Variants in KDM5A observed in about 807,000 individuals in gnomAD.
The protein encoded by KDM5A is lysine demethylase 5A.
A neutral mutation model predicts 193.5 loss-of-function variants in KDM5A; 42 were observed. That is an observed-to-expected ratio of 0.22 (90% CI 0.17 to 0.28). The LOEUF is 0.28. Ranked by LOEUF, KDM5A falls within the 10% of genes least tolerant of loss-of-function variation. The pLI, the probability that KDM5A is intolerant of heterozygous loss-of-function variation, is 1.00. For synonymous variants in KDM5A, 796 were observed against 718.1 expected (o/e 1.11, Z -1.73); for missense variants, 1,692 against 2,055.1 (o/e 0.82, Z 3.42).
At chr12:329,487 GA>G (rs138880121) in intron 13 of KDM5A, among the ~76,000 whole-genome samples, 13 of 136,914 alleles carry the variant, frequency 9.5e-5, no homozygotes, top group East Asian at 2.1e-4. Context: ...GTTATTAGAA[GA>G]AAAAAAAAAG....
intron 24 of KDM5A, among the ~76,000 whole-genome samples, chr12:303,655 CA>C (rs1293001426): frequency 1.3e-4 from 19 of 149,404 alleles, no homozygotes; most frequent in Admixed American, 1.1e-3. Context: ...AAGTATAATA[CA>C]AAAAAAATTA....
chr12:288,487 T>C (rs1296286135), intron 27 of KDM5A, among the ~76,000 whole-genome samples: 3 of 152,222 alleles, frequency 2.0e-5, no homozygotes, highest in Non-Finnish European at 2.9e-5. Context: ...GAGGAAATAT[T>C]AGTTTAATAT....
At chr12:346,145 A>G (rs1015445560) in intron 10 of KDM5A, among the ~76,000 whole-genome samples, 2 of 152,168 alleles carry the variant, frequency 1.3e-5, no homozygotes, top group East Asian at 1.9e-4. Context: ...ACACCTCTAC[A>G]CAAATAAACT....
chr12:376,550 T>C (rs1216251551), intron 3 of KDM5A, among the ~76,000 whole-genome samples: 1 of 152,228 alleles, frequency 6.6e-6, no homozygotes, highest in Non-Finnish European at 1.5e-5. Context: ...TGCCTCGCCC[T>C]GCTTTGGCAC....
At chr12:371,838 A>T (rs917491135) in intron 3 of KDM5A, among the ~76,000 whole-genome samples, 1 of 152,124 alleles carries the variant, frequency 6.6e-6, no homozygotes, top group Non-Finnish European at 1.5e-5. Flanking sequence ...CAGTTTTCCC[A>T]GCACCATTAA....
rs779829952 is a variant in KDM5A at position 318,116 on chromosome 12, G to A, written c.2887C>T (p.Leu963=). The change falls in exon 19 of 28, where the codon CTA becomes TTA. Residue 963 remains leucine (L), a synonymous_variant. Transcript: ENST00000399788. ...CCAAAATGTGTTCACCTTGCCTGTA[G>A]GCAGACCTTAGCCTTTTCTTCCCAT... ...ERWEEKAKVC[L]QARPRHSVAS... is the part of the protein sequence containing the mutation. The A allele has an allele frequency of 4.3e-6, 7 of 1,613,832 alleles. No homozygotes were observed. In the African/African-American group the frequency reaches 8.0e-5, roughly 18 times the overall value.
chr12:379,884 G>A (rs1393848012), intron 3 of KDM5A, among the ~76,000 whole-genome samples: 5 of 152,188 alleles, frequency 3.3e-5, no homozygotes, highest in East Asian at 1.9e-4. Flanking sequence ...CTGGATGACC[G>A]TTATAAGGAG....
At chr12:324,849 G>A (rs1269625908) in intron 14 of KDM5A, among the ~76,000 whole-genome samples, 1 of 151,758 alleles carries the variant, frequency 6.6e-6, no homozygotes, top group Non-Finnish European at 1.5e-5. Context: ...CTCCAGCCTG[G>A]GTGACAGAGC....
intron 5 of KDM5A, among the ~76,000 whole-genome samples, chr12:357,827 C>CAAAAAAAAA (rs61577928): frequency 0.06 from 1,777 of 29,848 alleles, 543 homozygotes; most frequent in Middle Eastern, 0.077. Flanking sequence ...GACTCAGTCT[C>CAAAAAAAAA]AAAAAAAAAA....
Position 360,269 on chromosome 12 carries a change from G to C in KDM5A, c.672+2694C>G, listed in dbSNP as rs143325544. Among the ~76,000 whole-genome samples, 739 of 151,790 alleles carry C rather than the reference G, an allele frequency of 4.9e-3. 10 individuals are homozygous for C. The highest frequency in any genetic ancestry group is 0.016 in the African/African-American group (671 of 41,420). ...AGCCTGGGAGTTACAGCAAGACTCT[G>C]TCTTAAAAAAAAAAGACAAGATTTG... On this transcript the variant is annotated intron_variant, in intron 5 of 27. Coordinates refer to ENST00000399788, the MANE Select transcript of KDM5A (RefSeq NM_001042603.3).
rs1565521854 is a variant in KDM5A, at chr12:288,261, A to G, written c.4867-2599T>C. Reference sequence around the variant, plus strand: ...GACTATGTAGTATCCTGAAAACTCAAGAACACAGAATTTGGATAACTGTAT... The same window carrying G: ...GACTATGTAGTATCCTGAAAACTCAGGAACACAGAATTTGGATAACTGTAT... On this transcript the variant is annotated intron_variant, in intron 27 of 27. Coordinates refer to ENST00000399788, the MANE Select transcript of KDM5A (RefSeq NM_001042603.3). 5.3e-5 allele frequency among the ~76,000 whole-genome samples: 8 copies of G among 152,348 alleles called. No homozygotes were observed. In the South Asian group the frequency reaches 1.2e-3, roughly 24 times the overall value.
rs752880045 is a variant in KDM5A, at chr12:285,540, C to A, written c.4989G>T (p.Gly1663=). ...GTGGTGCTGGACCTGGGCTAACTGG[C>A]CCCTGCTTCTTTGCACAGTTTATAC... ...YICINCAKKQ[G]PVSPGPAPPP... The change falls in exon 28 of 28, where the codon GGG becomes GGT. Residue 1663 remains glycine (G), a synonymous_variant. Coordinates refer to ENST00000399788, the MANE Select transcript of KDM5A (RefSeq NM_001042603.3). 2 of 1,614,016 alleles carry A rather than the reference C, an allele frequency of 1.2e-6. No individual in the cohort carries two copies. The highest frequency in any genetic ancestry group is 2.2e-5 in the East Asian group (1 of 44,876).
intron 4 of KDM5A, among the ~76,000 whole-genome samples, 194 bp from the exon 5 acceptor site, chr12:363,291 A>T (rs1237059357): frequency 6.6e-6 from 1 of 152,190 alleles, no homozygotes; most frequent in Non-Finnish European, 1.5e-5. Flanking sequence ...CCGACCCTAA[A>T]ATTTATTTGG....
intron 14 of KDM5A, among the ~76,000 whole-genome samples, chr12:327,634 G>A (rs548724045): frequency 6.6e-6 from 1 of 152,260 alleles, no homozygotes; most frequent in African/African-American, 2.4e-5. Context: ...GCTGAACCTG[G>A]GAGGCGGAGG....
In KDM5A at chr12:295,790, G is replaced by A. The variant is rs773583219; in HGVS notation, c.4238C>T (p.Ser1413Phe). 26 of 1,613,770 alleles carry A rather than the reference G, an allele frequency of 1.6e-5. 1 individual carries two copies. In the South Asian group the frequency reaches 2.2e-4, roughly 14 times the overall value. Reference protein sequence around the residue: ...SSASKSCSQGSSTPRKQPRKS... With the variant: ...SSASKSCSQGFSTPRKQPRKS... Reference sequence around the variant, plus strand: ...CCGAGGTTGTTTCCTTGGGGTGCTAGAACCTTTCCCAAAAAATACCATAAA... The same window carrying A: ...CCGAGGTTGTTTCCTTGGGGTGCTAAAACCTTTCCCAAAAAATACCATAAA... The change falls in exon 26 of 28, where the codon TCT becomes TTT. Residue 1413 changes from serine (S) to phenylalanine (F), a missense_variant. Ser to Phe is a radical substitution (Grantham distance 155). This residue lies in a region of KDM5A where 965 missense variants were observed against 1,061.0 expected (regional missense o/e 0.91). Coordinates refer to ENST00000399788, the MANE Select transcript of KDM5A (RefSeq NM_001042603.3).
intron 14 of KDM5A, among the ~76,000 whole-genome samples, chr12:328,578 A>G (rs952637295): frequency 8.5e-5 from 13 of 152,252 alleles, no homozygotes; most frequent in African/African-American, 2.9e-4. Context: ...TACTGTATGT[A>G]GAAGATTTAA....
rs1050420221 is a variant in KDM5A at position 382,992 on chromosome 12, GT to G, written c.366+1038del. 2.7e-3 allele frequency among the ~76,000 whole-genome samples: 390 copies of G among 146,574 alleles called. 2 individuals are homozygous for G. The highest frequency in any genetic ancestry group is 6.6e-3 in the African/African-American group (264 of 40,178). ...ATAATCTCAGCTTGCAGGTCAGTTA[GT>G]TTTTTTTTTTCACATTAGGGAATAT... On this transcript the variant is annotated intron_variant, in intron 3 of 27. Transcript: ENST00000399788.
At chr12:327,952 T>G (rs1943813504) in intron 14 of KDM5A, among the ~76,000 whole-genome samples, 1 of 152,272 alleles carries the variant, frequency 6.6e-6, no homozygotes, top group East Asian at 1.9e-4. Flanking sequence ...AGTTTGAGGC[T>G]GCAGTGAGCT....
chr12:305,291 GATT>G (rs1322030588), intron 24 of KDM5A, among the ~76,000 whole-genome samples: 1 of 152,144 alleles, frequency 6.6e-6, no homozygotes, highest in East Asian at 1.9e-4. Context: ...TATAAAAAAA[GATT>G]ATTTGAACAG....
Sources: gnomAD v4.1 joint callset for allele counts (sites outside exome capture counted in the v4.1 genomes callset) on GRCh38, gnomAD v4.1.1 for gene constraint, gnomAD v4.1.1 regional missense constraint, MANE v1.5 for transcripts, NCBI Gene and HGNC (gene_info 2026-07-23, HGNC 2026-07-21) for gene names.